DVL1: variants seen among roughly 807,000 people sequenced by gnomAD.
The protein encoded by DVL1 is segment polarity protein dishevelled homolog DVL-1.
DVL1 carries 49 observed loss-of-function variants against 65.0 expected under a neutral mutation model. The ratio of observed to expected loss-of-function variants is 0.75; its 90% CI spans 0.60 to 0.96. The LOEUF is 0.96. Ranked by LOEUF, DVL1 falls within the 40% of genes least tolerant of loss-of-function variation. The pLI, the probability that DVL1 is intolerant of heterozygous loss-of-function variation, is 0.00. For missense variants in DVL1, 1,197 were observed against 1,045.4 expected, an observed-to-expected ratio of 1.15 and a Z score of -2.00; for synonymous variants, 608 against 433.9, an observed-to-expected ratio of 1.40 and a Z score of -4.99.
intron 4 of DVL1, 78 bp from the exon 5 acceptor site, chr1:1,341,883 C>T: frequency 1.3e-6 from 2 of 1,489,212 alleles, no homozygotes; most frequent in Non-Finnish European, 1.8e-6. Context: ...GGCAGTGCTG[C>T]ATGCCTGTGG....
At chr1:1,345,718 G>A (rs925102952) in intron 1 of DVL1, among the ~76,000 whole-genome samples, 1 of 152,190 alleles carries the variant, frequency 6.6e-6, no homozygotes, top group African/African-American at 2.4e-5. Context: ...AGAGGCCACA[G>A]CCAGCTGCCC....
Position 1,338,456 on chromosome 1 carries a change from A to G in DVL1, c.1340-20T>C. 6.2e-7 allele frequency: 1 copy of G among 1,608,642 alleles called. No homozygotes were observed. The highest frequency in any genetic ancestry group is 8.5e-7 in the Non-Finnish European group (1 of 1,176,872). ...CCGCCCCTGGCCGGCACCAGCGGTCAGCCCGCAGCCTCGAGGCAAGCAGCC... is the reference window on the plus strand; with the variant it reads ...CCGCCCCTGGCCGGCACCAGCGGTCGGCCCGCAGCCTCGAGGCAAGCAGCC... On this transcript the variant is annotated intron_variant, in intron 12 of 14. Coordinates refer to ENST00000378888, the MANE Select transcript of DVL1 (RefSeq NM_001330311.2).
In DVL1 at chr1:1,349,002, G is replaced by A. The variant is rs756617893; in HGVS notation, c.64C>T (p.Pro22Ser). 6 of 1,577,018 alleles carry A rather than the reference G, an allele frequency of 3.8e-6. No individual in the cohort carries two copies. In the African/African-American group the frequency reaches 6.9e-5, roughly 18 times the overall value. Residue 22 changes from proline to serine, a missense_variant, in exon 1 of 15, where the codon CCC becomes TCC. Pro to Ser is a moderately conservative substitution (Grantham distance 74). Transcript: ENST00000378888. The surrounding 1 kb of genome is among the most constrained non-coding windows in gnomAD (Gnocchi z 4.1). ...EEETPYLVKL[P>S]VAPERVTLAD... The stretch of plus-strand genomic sequence containing the variant: ...AGCGTGACGCGCTCGGGGGCCACGG[G>A]CAGCTTGACCAGGTACGGCGTCTCC...
chr1:1,340,589 G>C (rs561916593), intron 5 of DVL1, 86 bp from the exon 6 acceptor site: 6 of 1,418,416 alleles, frequency 4.2e-6, no homozygotes, highest in Non-Finnish European at 5.8e-6. Context: ...AGTGGGAATC[G>C]GGGGTCTAGG....
intron 1 of DVL1, among the ~76,000 whole-genome samples, chr1:1,347,942 G>C (rs562810021): frequency 2.6e-5 from 4 of 152,304 alleles, no homozygotes; most frequent in Admixed American, 6.5e-5. Context: ...AGCCTGACTG[G>C]ACCTGGGGCT....
intron 11 of DVL1, 86 bp from the exon 12 acceptor site, chr1:1,338,739 C>T: frequency 2.0e-6 from 3 of 1,516,610 alleles, no homozygotes; most frequent in Non-Finnish European, 2.6e-6. Context: ...AGCCTCTGGG[C>T]AGAGCCTGCG....
chr1:1,344,504 A>T (rs931730661), intron 1 of DVL1, among the ~76,000 whole-genome samples: 2 of 152,140 alleles, frequency 1.3e-5, no homozygotes, highest in Non-Finnish European at 2.9e-5. Flanking sequence ...AGTGGACAGC[A>T]GGCAGGGCCA....
chr1:1,341,543 C>T (rs1643827948), intron 5 of DVL1, 124 bp downstream of exon 5: 1 of 1,245,832 alleles, frequency 8.0e-7, no homozygotes, highest in African/African-American at 1.9e-5. Context: ...TTTGCAGGCA[C>T]ACACATGCAC....
intron 11 of DVL1, 103 bp from the exon 12 acceptor site, chr1:1,338,756 C>A: frequency 6.7e-7 from 1 of 1,484,372 alleles, no homozygotes; most frequent in East Asian, 2.4e-5. Flanking sequence ...TGCGCCAGGG[C>A]GCAAGCTGGA....
At position 1,336,347 on chromosome 1, in the gene DVL1, C is replaced by A. The variant is rs749795230; in HGVS notation, c.1883G>T (p.Ser628Ile). Residue 628 changes from serine to isoleucine, a missense_variant, in exon 15 of 15, where the codon AGC (serine) becomes ATC (isoleucine). Transcript: ENST00000378888. ...ERPAGQLSRG[S>I]SPRSQASATA... ...AGCCGAGGCCTGACTGCGTGGGCTG[C>A]TGCCACGGCTGAGCTGGCCGGCCGG... 1 of 1,593,176 alleles carries A rather than the reference C, an allele frequency of 6.3e-7. No homozygotes were observed. The highest frequency in any genetic ancestry group is 8.5e-7 in the Non-Finnish European group (1 of 1,176,500).
In DVL1 at chr1:1,338,567, G is replaced by A. The variant is rs746537493; in HGVS notation, c.1294C>T (p.Arg432Cys). Reference sequence around the variant, plus strand: ...GTGATCTTGAGCCACATGCGGTCGCGGATCTCCAGTCCCGAGTCTGGCAGC... The same window carrying A: ...GTGATCTTGAGCCACATGCGGTCGCAGATCTCCAGTCCCGAGTCTGGCAGC... ...MQLPDSGLEI[R>C]DRMWLKITIA... Residue 432 changes from arginine to cysteine, a missense_variant, in exon 12 of 15, where the codon CGC becomes TGC. Arg to Cys is a radical substitution (Grantham distance 180). Coordinates refer to ENST00000378888, the MANE Select transcript of DVL1 (RefSeq NM_001330311.2). 61 of 1,612,384 alleles carry A rather than the reference G, an allele frequency of 3.8e-5. 1 individual carries two copies. Among genetic ancestry groups the A allele is most frequent in the East Asian group, 2.2e-4 (10 of 44,892 alleles).
rs999900069 is a variant in DVL1 at position 1,340,049 on chromosome 1, T to C, written c.898A>G (p.Met300Val). Reference protein sequence around the residue: ...AADGRIEPGDMLLQVNDVNFE... With the variant: ...AADGRIEPGDVLLQVNDVNFE... ...CCCCACAGACACACCTGCAGCAACA[T>C]GTCGCCGGGCTCGATGCGGCCGTCA... Residue 300 changes from methionine (M) to valine (V), a missense_variant, in exon 8 of 15, where the codon ATG (methionine) becomes GTG (valine). Physicochemically the swap from Met to Val is conservative, Grantham distance 21. Transcript: ENST00000378888. 5 of 1,611,744 alleles carry C rather than the reference T, an allele frequency of 3.1e-6. No individual in the cohort carries two copies. Among genetic ancestry groups the C allele is most frequent in the East Asian group, 4.5e-5 (2 of 44,842 alleles).
intron 5 of DVL1, among the ~76,000 whole-genome samples, chr1:1,341,079 C>A (rs307365): frequency 0.87 from 127,978 of 147,318 alleles, 55,874 homozygotes; most frequent in Non-Finnish European, 0.93. Context: ...ACACACGCAC[C>A]CCTGCACACA....
In DVL1 at chr1:1,338,534, T is replaced by C. The variant is rs1163726868; in HGVS notation, c.1327A>G (p.Asn443Asp). 1 of 1,612,572 alleles carries C rather than the reference T, an allele frequency of 6.2e-7. No homozygotes were observed. The change falls in exon 12 of 15, where the codon AAT becomes GAT. Residue 443 changes from asparagine to aspartate, a missense_variant. Physicochemically the swap from Asn to Asp is conservative, Grantham distance 23 (BLOSUM62 1). Transcript: ENST00000378888. Reference sequence around the variant, plus strand: ...GACGGCCACTCACCGATGACGGCATTGGCGATGGTGATCTTGAGCCACATG... The same window carrying C: ...GACGGCCACTCACCGATGACGGCATCGGCGATGGTGATCTTGAGCCACATG... The part of the protein sequence containing the change: ...DRMWLKITIA[N>D]AVIGADVVDW...
chr1:1,344,843 G>A (rs1643894081), intron 1 of DVL1, among the ~76,000 whole-genome samples: 2 of 152,116 alleles, frequency 1.3e-5, no homozygotes, highest in Admixed American at 1.3e-4. Context: ...TAATGGACCT[G>A]ACCACAGCAG....
Position 1,335,975 on chromosome 1 carries a change from T to A in DVL1, c.*167A>T. ...AACACGGCTGCTCAGACACAGGTGC[T>A]GTCAGGAGCTGGAGCAGCCAGGCTG... On this transcript the variant is annotated 3_prime_UTR_variant, in exon 15 of 15. Coordinates refer to ENST00000378888, the MANE Select transcript of DVL1 (RefSeq NM_001330311.2). 1 of 874,322 alleles carries A rather than the reference T, an allele frequency of 1.1e-6. No individual in the cohort carries two copies. The highest frequency in any genetic ancestry group is 1.7e-6 in the Non-Finnish European group (1 of 583,228). The allele number at this position is 874,322 out of a possible 1,614,324, so 54.2% of individuals were successfully genotyped here.
Position 1,336,244 on chromosome 1 carries a change from AG to A in DVL1, c.1985del (p.Pro662LeufsTer12). The A allele has an allele frequency of 1.3e-6, 2 of 1,559,478 alleles. No homozygotes were observed. The highest frequency in any genetic ancestry group is 8.6e-7 in the Non-Finnish European group (1 of 1,158,248). ...TVVGGPPGGPPVRELAAVPPE... is the reference protein window; with the variant it reads ...TVVGGPPGGPXVRELAAVPPE... ...GGGGGACGGCAGCCAGCTCCCGGAC[AG>A]GGGGTCCCCCGGGTGGCCCCCCCAC... On this transcript the variant is annotated frameshift_variant, in exon 15 of 15. Coordinates refer to ENST00000378888, the MANE Select transcript of DVL1 (RefSeq NM_001330311.2). LOFTEE classifies it high-confidence loss of function.
At position 1,336,386 on chromosome 1, in the gene DVL1, C is replaced by T; in HGVS notation, c.1844G>A (p.Ser615Asn). The T allele has an allele frequency of 6.3e-7, 1 of 1,599,060 alleles. No individual in the cohort carries two copies. The highest frequency in any genetic ancestry group is 8.5e-7 in the Non-Finnish European group (1 of 1,178,538). ...DHTAPSGVGS[S>N]WRERPAGQLS... ...CTGGCCGGCCGGACGCTCTCGCCAG[C>T]TGCTCCCCACCCCACTCGGTGCCGT... The change falls in exon 15 of 15, where the codon AGC (serine) becomes AAC (asparagine). Residue 615 changes from serine (S) to asparagine (N), a missense_variant. Ser to Asn is a conservative substitution (Grantham distance 46, BLOSUM62 1). Coordinates refer to ENST00000378888, the MANE Select transcript of DVL1 (RefSeq NM_001330311.2).
rs145370195 is a variant in DVL1 at position 1,341,593 on chromosome 1, G to GAC, written c.605+72_605+73dup. On this transcript the variant is annotated intron_variant, in intron 5 of 14. Coordinates refer to ENST00000378888, the MANE Select transcript of DVL1 (RefSeq NM_001330311.2). The stretch of plus-strand genomic sequence containing the variant: ...GTGCAATGTGAAAACACCTCATGCA[G>GAC]ACACATGCACATCATGTACAGACAT... The GAC allele has an allele frequency of 9.1e-5, 138 of 1,510,620 alleles. 1 individual carries two copies. The highest frequency in any genetic ancestry group is 5.3e-4 in the Middle Eastern group (3 of 5,662). 93.6% of individuals were successfully genotyped at this position (1,510,620 alleles called of 1,614,324 possible).
Sources: allele counts gnomAD v4.1 joint callset (sites outside exome capture counted in the v4.1 genomes callset), GRCh38; gene constraint gnomAD v4.1.1; non-coding constraint Gnocchi (gnomAD v3.1); transcripts MANE v1.5; gene names NCBI Gene and HGNC (gene_info 2026-07-23, HGNC 2026-07-21).